Variants in RPS6KA2 observed in about 807,000 individuals in gnomAD.
RPS6KA2 encodes ribosomal protein S6 kinase A2, also known as ribosomal protein S6 kinase alpha-2.
RPS6KA2 carries 42 observed loss-of-function variants against 91.8 expected under a neutral mutation model. That is an observed-to-expected ratio of 0.46 (90% CI 0.36 to 0.59). The LOEUF (loss-of-function observed/expected upper bound fraction) is 0.59. Ranked by LOEUF, RPS6KA2 falls within the 20% of genes least tolerant of loss-of-function variation. RPS6KA2 has a pLI of 0.00. For missense variants in RPS6KA2, 798 were observed against 978.5 expected (o/e 0.82, Z 2.46); for synonymous variants, 414 against 393.6 (o/e 1.05, Z -0.61).
chr6:166,849,656 T>C lies in RPS6KA2; in HGVS notation c.123+8544A>G, dbSNP rs1016347960. ...CCCTATTAACTTGGAGATAGGCATT[T>C]ATTGGGCTAAATCCTCACGTAGAAT... On this transcript the variant is annotated intron_variant, in intron 2 of 21. Transcript: ENST00000503859. The surrounding 1 kb of genome is among the most constrained non-coding windows in gnomAD (Gnocchi z 4.9). 6.6e-6 allele frequency among the ~76,000 whole-genome samples: 1 copy of C among 152,136 alleles called. No individual in the cohort carries two copies. The highest frequency in any genetic ancestry group is 2.4e-5 in the African/African-American group (1 of 41,420).
At position 166,635,635 on chromosome 6, in the gene RPS6KA2, T is replaced by C. The variant is rs559060277; in HGVS notation, c.124-96851A>G. Among the ~76,000 whole-genome samples the C allele has an allele frequency of 1.2e-4, 19 of 152,198 alleles. No homozygotes were observed. Among genetic ancestry groups the C allele is most frequent in the African/African-American group, 3.9e-4 (16 of 41,504 alleles). ...GGCAGAAGAGGGGTGCTAGGTCACA[T>C]GGTAGAGAGCCCCATGGAGTTTACC... On this transcript the variant is annotated intron_variant, in intron 2 of 21. Coordinates refer to the RPS6KA2 transcript ENST00000503859. This position sits in a 1 kb window ranked among gnomAD's most constrained non-coding sequence, Gnocchi z 4.8.
chr6:166,778,417 C>T (rs1188640574), intron 2 of RPS6KA2, among the ~76,000 whole-genome samples: 1 of 152,206 alleles, frequency 6.6e-6, no homozygotes, highest in African/African-American at 2.4e-5. Flanking sequence ...GTTGTTTTAA[C>T]TTGAGCTACT....
chr6:166,566,754 C>T (rs541063480), intron 1 of RPS6KA2, among the ~76,000 whole-genome samples: 63 of 152,276 alleles, frequency 4.1e-4, no homozygotes, highest in Middle Eastern at 3.4e-3. Context: ...GCTAGAGGGG[C>T]GGGGATGAGC....
chr6:166,628,704 G>A (rs1320525105), upstream of RPS6KA2, among the ~76,000 whole-genome samples: 1 of 152,148 alleles, frequency 6.6e-6, no homozygotes, highest in African/African-American at 2.4e-5. Flanking sequence ...GGTGAACTTG[G>A]GTGCCGTTGC....
chr6:166,541,086 C>T (rs1380960369), intron 1 of RPS6KA2, among the ~76,000 whole-genome samples: 2 of 152,224 alleles, frequency 1.3e-5, no homozygotes, highest in East Asian at 1.9e-4. Flanking sequence ...GTCATCCAAA[C>T]CCCAGCCTCC....
At chr6:166,497,778 G>A (rs1018987468) in intron 8 of RPS6KA2, among the ~76,000 whole-genome samples, 6 of 152,244 alleles carry the variant, frequency 3.9e-5, no homozygotes, top group Admixed American at 6.5e-5. Context: ...ACACGCCAGC[G>A]GAGCAACCTT....
chr6:166,419,830 G>A lies in RPS6KA2; in HGVS notation c.1820+52C>T. On this transcript the variant is annotated intron_variant, in intron 18 of 20. Transcript: ENST00000265678. The surrounding 1 kb of genome is among the most constrained non-coding windows in gnomAD (Gnocchi z 5.6). ...CTGGTCCCCTGACAGATCAGCCACTGAGGCTGCTGCCCTGTGTCTCCTCCT... is the reference window on the plus strand; with the variant it reads ...CTGGTCCCCTGACAGATCAGCCACTAAGGCTGCTGCCCTGTGTCTCCTCCT... 1 of 1,531,592 alleles carries A rather than the reference G, an allele frequency of 6.5e-7. No homozygotes were observed. Among genetic ancestry groups the A allele is most frequent in the Non-Finnish European group, 9.0e-7 (1 of 1,105,910 alleles). 94.9% of individuals were successfully genotyped at this position (1,531,592 alleles called of 1,614,324 possible). A position where few individuals can be genotyped will look rare whatever the true frequency, so the allele number is the denominator to read the frequency against.
At chr6:166,681,696 C>A (rs1444977126) in intron 2 of RPS6KA2, among the ~76,000 whole-genome samples, 1 of 74,498 alleles carries the variant, frequency 1.3e-5, no homozygotes, top group Non-Finnish European at 2.7e-5. Context: ...GCCCGCCCCC[C>A]CCCCCGCCCC....
At chr6:166,576,643 A>G (rs1298640870) in intron 1 of RPS6KA2, among the ~76,000 whole-genome samples, 1 of 152,208 alleles carries the variant, frequency 6.6e-6, no homozygotes. Context: ...CTAAGCAACA[A>G]AGCATTCAAG....
chr6:166,860,329 T>C lies in RPS6KA2; in HGVS notation c.63+1779A>G, dbSNP rs1781016244. 2.0e-5 allele frequency among the ~76,000 whole-genome samples: 3 copies of C among 152,350 alleles called. No homozygotes were observed. The South Asian group carries it at 6.2e-4, about 32-fold the overall frequency. On this transcript the variant is annotated intron_variant, in intron 1 of 21. Coordinates refer to the RPS6KA2 transcript ENST00000503859. ...ATTTTGCTTCAAGAGCTATTTAATGTATCCAATTTTCCTCAAAACCTTTAC... is the reference window on the plus strand; with the variant it reads ...ATTTTGCTTCAAGAGCTATTTAATGCATCCAATTTTCCTCAAAACCTTTAC...
intron 13 of RPS6KA2, among the ~76,000 whole-genome samples, chr6:166,449,803 G>GGACAACCACGGGACAACCACGA (rs1779798535): frequency 9.0e-6 from 1 of 111,574 alleles, no homozygotes; most frequent in Non-Finnish European, 2.0e-5. Context: ...AGCCACCACG[G>GGACAACCACGGGACAACCACGA]GGACCACCAT....
chr6:166,506,985 C>T (rs945998677), intron 5 of RPS6KA2, among the ~76,000 whole-genome samples: 8 of 152,090 alleles, frequency 5.3e-5, no homozygotes, highest in African/African-American at 1.7e-4. Context: ...TCTCAGGGTG[C>T]AGTGAAGTTG....
At position 166,459,337 on chromosome 6, in the gene RPS6KA2, T is replaced by G. The variant is rs1780198351; in HGVS notation, c.1075+112A>C. 7.3e-6 allele frequency: 5 copies of G among 680,454 alleles called. No homozygotes were observed. In the South Asian group the frequency reaches 9.2e-5, roughly 13 times the overall value. The allele number at this position is 680,454 out of a possible 1,614,324, so 42.2% of individuals were successfully genotyped here. On this transcript the variant is annotated intron_variant, in intron 12 of 20. Transcript: ENST00000265678. This position sits in a 1 kb window ranked among gnomAD's most constrained non-coding sequence, Gnocchi z 4.9. ...AAAAAACCCAAACAGAATGGACAGT[T>G]ATTTTCCATGAAAAGAATTCTGAGG...
chr6:166,679,812 G>A (rs1189587161), intron 2 of RPS6KA2, among the ~76,000 whole-genome samples: 2 of 152,236 alleles, frequency 1.3e-5, no homozygotes, highest in Non-Finnish European at 1.5e-5. Context: ...TGGCTGGCGC[G>A]GGTTCCAGGT....
At chr6:166,469,593 A>G (rs1408310030) in intron 11 of RPS6KA2, among the ~76,000 whole-genome samples, 1 of 152,156 alleles carries the variant, frequency 6.6e-6, no homozygotes, top group East Asian at 1.9e-4. Context: ...AGGAGAGTAG[A>G]AGGAGGAAAG....
intron 11 of RPS6KA2, among the ~76,000 whole-genome samples, chr6:166,464,467 A>G (rs1270739995): frequency 6.6e-6 from 1 of 152,212 alleles, no homozygotes; most frequent in African/African-American, 2.4e-5. Flanking sequence ...CTAAGGGTCT[A>G]GGCCCTGGAC....
rs1180776904 is a variant in RPS6KA2, at chr6:166,473,762, A to G, written c.908-3857T>C. ...ATCTCCGACACTTCTGGGAACATTC[A>G]GTAGAATCTTACTGGCTGCCTCCTT... On this transcript the variant is annotated intron_variant, in intron 10 of 20. Transcript: ENST00000265678. Among the ~76,000 whole-genome samples, 3 of 152,186 alleles carry G rather than the reference A, an allele frequency of 2.0e-5. 1 individual carries two copies. The highest frequency in any genetic ancestry group is 4.4e-5 in the Non-Finnish European group (3 of 68,042).
intron 2 of RPS6KA2, among the ~76,000 whole-genome samples, chr6:166,826,471 G>A (rs1236407806): frequency 6.6e-6 from 1 of 152,216 alleles, no homozygotes; most frequent in Non-Finnish European, 1.5e-5. Context: ...CCACAGCGCT[G>A]CTTGGTATGT....
At chr6:166,512,851 C>T (rs1464686413) in intron 3 of RPS6KA2, among the ~76,000 whole-genome samples, 1 of 152,160 alleles carries the variant, frequency 6.6e-6, no homozygotes, top group Admixed American at 6.5e-5. Context: ...TGCAGTGACA[C>T]CTTTATTATA....
Sources: allele counts gnomAD v4.1 joint callset (sites outside exome capture counted in the v4.1 genomes callset), GRCh38; gene constraint gnomAD v4.1.1; non-coding constraint Gnocchi (gnomAD v3.1); transcripts MANE v1.5; gene names NCBI Gene and HGNC (gene_info 2026-07-23, HGNC 2026-07-21).